UBAC2: variants seen among roughly 807,000 people sequenced by gnomAD.
The protein encoded by UBAC2 is ubiquitin-associated domain-containing protein 2.
Under a neutral mutation model 44.0 loss-of-function variants are expected in UBAC2, and 26 were observed. The observed-to-expected ratio is 0.59, with a 90% CI of 0.43 to 0.82. The LOEUF (loss-of-function observed/expected upper bound fraction) is 0.82, where lower values mean the gene tolerates loss of function less well. Among genes scored for constraint, UBAC2 ranks in the 40% least tolerant of loss-of-function variants. The pLI, the probability that UBAC2 is intolerant of heterozygous loss-of-function variation, is 0.00. For missense variants in UBAC2, 329 were observed against 419.4 expected, an observed-to-expected ratio of 0.78 and a Z score of 1.88; for synonymous variants, 155 against 154.3, an observed-to-expected ratio of 1.00 and a Z score of -0.04.
chr13:99,242,995 CG>C (rs2043337465), intron 2 of UBAC2, among the ~76,000 whole-genome samples: 2 of 151,458 alleles, frequency 1.3e-5, no homozygotes, highest in Admixed American at 6.6e-5. Context: ...GATGGGATGG[CG>C]GCCGGGCAGA....
intron 1 of UBAC2, among the ~76,000 whole-genome samples, chr13:99,219,579 A>G (rs1384233837): frequency 1.3e-5 from 2 of 151,990 alleles, no homozygotes; most frequent in Non-Finnish European, 2.9e-5. Context: ...ACATTCTGAG[A>G]TTTTTTTCAA....
At position 99,328,673 on chromosome 13, in the gene UBAC2, T is replaced by C. The variant is rs183428464; in HGVS notation, c.561+10604T>C. 1.2e-4 allele frequency among the ~76,000 whole-genome samples: 19 copies of C among 152,360 alleles called. No homozygotes were observed. The East Asian group carries it at 3.7e-3, about 29-fold the overall frequency. On this transcript the variant is annotated intron_variant, in intron 6 of 8. Coordinates refer to ENST00000403766, the MANE Select transcript of UBAC2 (RefSeq NM_001144072.2). ...AATATCTGTTCAAATCTTTTATCCA[T>C]TTTGTTCATTGGGCTATTTATCTTC...
chr13:99,218,684 T>G (rs942149829), intron 1 of UBAC2, among the ~76,000 whole-genome samples: 22 of 152,256 alleles, frequency 1.4e-4, no homozygotes, highest in African/African-American at 5.1e-4. Flanking sequence ...TGAATTCTCC[T>G]CAATGCATTA....
rs2044145715 is a variant in UBAC2, at chr13:99,294,956, A to G, written c.390-19141A>G. On this transcript the variant is annotated intron_variant, in intron 4 of 8. Coordinates refer to ENST00000403766, the MANE Select transcript of UBAC2 (RefSeq NM_001144072.2). ...GAAAGTGCCCAATGAAAGAAATATAAAAGAATACTAATTGGAAGCTGAACA... is the reference window on the plus strand; with the variant it reads ...GAAAGTGCCCAATGAAAGAAATATAGAAGAATACTAATTGGAAGCTGAACA... 9 of 1,329,742 alleles carry G rather than the reference A, an allele frequency of 6.8e-6. No homozygotes were observed. The South Asian group carries it at 1.0e-4, about 15-fold the overall frequency. 82.4% of individuals were successfully genotyped at this position (1,329,742 alleles called of 1,614,324 possible).
intron 1 of UBAC2, among the ~76,000 whole-genome samples, chr13:99,225,783 A>C: frequency 6.6e-6 from 1 of 152,242 alleles, no homozygotes; most frequent in South Asian, 2.1e-4. Flanking sequence ...ACCAATAAAC[A>C]TATTTCCTTG....
At chr13:99,238,575 C>A in intron 2 of UBAC2, 21 bp downstream of exon 2, 2 of 1,560,186 alleles carry the variant, frequency 1.3e-6, no homozygotes, top group Admixed American at 1.8e-5. Context: ...CCTCATTGGC[C>A]CCTGAGAGGA....
intron 7 of UBAC2, chr13:99,351,435 G>A: frequency 2.4e-6 from 1 of 423,256 alleles, no homozygotes; most frequent in South Asian, 1.7e-5. Context: ...TTGATCTCTT[G>A]CCTCTTTATC....
intron 7 of UBAC2, among the ~76,000 whole-genome samples, chr13:99,358,730 A>G (rs905510202): frequency 3.4e-4 from 52 of 152,176 alleles, no homozygotes; most frequent in African/African-American, 1.2e-3. Context: ...GGGTGGAGAC[A>G]GTGGCGGGGG....
At chr13:99,279,201 C>T (rs1465547801) in intron 4 of UBAC2, among the ~76,000 whole-genome samples, 3 of 152,104 alleles carry the variant, frequency 2.0e-5, no homozygotes, top group Non-Finnish European at 2.9e-5. Context: ...TCTTCCCCTC[C>T]CAACAGTACC....
intron 4 of UBAC2, among the ~76,000 whole-genome samples, chr13:99,249,217 G>C (rs148678061): frequency 6.6e-6 from 1 of 150,696 alleles, no homozygotes; most frequent in Admixed American, 6.6e-5. Context: ...ATAGTCTTCC[G>C]TGTCTGTTGC....
chr13:99,311,042 C>T (rs1594114758), intron 4 of UBAC2, among the ~76,000 whole-genome samples: 1 of 152,258 alleles, frequency 6.6e-6, no homozygotes, highest in East Asian at 1.9e-4. Flanking sequence ...AAACAAAAGG[C>T]AAGTTCTGCT....
chr13:99,217,033 G>A (rs1387150358), intron 1 of UBAC2, among the ~76,000 whole-genome samples: 3 of 152,082 alleles, frequency 2.0e-5, no homozygotes, highest in African/African-American at 7.2e-5. Flanking sequence ...GTTTCACCAT[G>A]TTGGCCAGGC....
At position 99,332,514 on chromosome 13, in the gene UBAC2, G is replaced by A. The variant is rs2044730642; in HGVS notation, c.562-7806G>A. Among the ~76,000 whole-genome samples the A allele has an allele frequency of 3.3e-5, 5 of 152,214 alleles. No homozygotes were observed. The South Asian group carries it at 1.0e-3, about 32-fold the overall frequency. On this transcript the variant is annotated intron_variant, in intron 6 of 8. Coordinates refer to ENST00000403766, the MANE Select transcript of UBAC2 (RefSeq NM_001144072.2). ...TCACAGCTTCTGCTGTTGGCATATG[G>A]GGGGCTGCTCCCTCTGACCTGGAGC...
chr13:99,210,126 A>G (rs1398669714), intron 1 of UBAC2, among the ~76,000 whole-genome samples: 1 of 152,208 alleles, frequency 6.6e-6, no homozygotes, highest in Non-Finnish European at 1.5e-5. Flanking sequence ...TAGAAAAAAA[A>G]CGGTCCTAGC....
intron 1 of UBAC2, among the ~76,000 whole-genome samples, chr13:99,214,223 GT>G (rs143401786): frequency 0.17 from 21,217 of 125,558 alleles, 1,627 homozygotes; most frequent in East Asian, 0.35. Flanking sequence ...TCTTTGGTTT[GT>G]TTTTTTTTTT....
At chr13:99,294,278 G>A (rs550890290) in intron 4 of UBAC2, among the ~76,000 whole-genome samples, 1 of 152,066 alleles carries the variant, frequency 6.6e-6, no homozygotes, top group Non-Finnish European at 1.5e-5. Context: ...AATCATATAG[G>A]CATGTCTTTT....
rs191854769 is a variant in UBAC2, at chr13:99,215,483, G to A, written c.31+14544G>A. On this transcript the variant is annotated intron_variant, in intron 1 of 8. Coordinates refer to ENST00000403766, the MANE Select transcript of UBAC2 (RefSeq NM_001144072.2). ...TGAGAATCCAATTCTTCATCTGCAC[G>A]AATAGCAAGTTGCAAGTGACGAGGG... 1.1e-3 allele frequency: 1,612 copies of A among 1,428,320 alleles called. 1 individual carries two copies. Among genetic ancestry groups the A allele is most frequent in the Admixed American group, 2.0e-3 (121 of 59,616 alleles). The allele number at this position is 1,428,320 out of a possible 1,614,324, so 88.5% of individuals were successfully genotyped here.
At chr13:99,267,880 C>T (rs180802494) in intron 4 of UBAC2, among the ~76,000 whole-genome samples, 5 of 152,170 alleles carry the variant, frequency 3.3e-5, no homozygotes, top group East Asian at 1.9e-4. Context: ...GCTCAAAGAG[C>T]GCAGATGTTC....
intron 1 of UBAC2, among the ~76,000 whole-genome samples, chr13:99,204,019 G>A (rs1423181851): frequency 6.6e-6 from 1 of 152,176 alleles, no homozygotes; most frequent in Admixed American, 6.5e-5. Context: ...CTTACTTGTA[G>A]ACCAATGCTG....
Sources: allele counts gnomAD v4.1 joint callset (sites outside exome capture counted in the v4.1 genomes callset), GRCh38; gene constraint gnomAD v4.1.1; transcripts MANE v1.5; gene names NCBI Gene and HGNC (gene_info 2026-07-23, HGNC 2026-07-21).